Variants in CYRIB observed in about 807,000 individuals in gnomAD.
The protein encoded by CYRIB is CYFIP-related Rac1 interactor B.
A neutral mutation model predicts 44.2 loss-of-function variants in CYRIB; 8 were observed. That is an observed-to-expected ratio of 0.18 (90% CI 0.11 to 0.33). CYRIB has a LOEUF of 0.33. Ranked by LOEUF, CYRIB falls within the 10% of genes least tolerant of loss-of-function variation. The pLI, the probability that CYRIB is intolerant of heterozygous loss-of-function variation, is 1.00. For synonymous variants in CYRIB, 131 were observed against 127.2 expected, an observed-to-expected ratio of 1.03 and a Z score of -0.20; for missense variants, 185 against 382.8, an observed-to-expected ratio of 0.48 and a Z score of 4.31.
intron 4 of CYRIB, among the ~76,000 whole-genome samples, chr8:129,867,287 C>A (rs995815029): frequency 6.9e-5 from 9 of 131,126 alleles, no homozygotes; most frequent in African/African-American, 2.5e-4. Flanking sequence ...CCACACCTGG[C>A]TTTTTTTTTT....
At chr8:129,990,904 G>T (rs764136471) in intron 1 of CYRIB, among the ~76,000 whole-genome samples, 2 of 152,096 alleles carry the variant, frequency 1.3e-5, no homozygotes, top group Non-Finnish European at 2.9e-5. Context: ...GCCAAGGTGA[G>T]CGGATCACCT....
intron 1 of CYRIB, among the ~76,000 whole-genome samples, chr8:129,989,761 A>G (rs2096578113): frequency 6.7e-6 from 1 of 150,148 alleles, no homozygotes; most frequent in Non-Finnish European, 1.5e-5. Context: ...CGTCATTTAC[A>G]TTAGGTATAT....
intron 1 of CYRIB, among the ~76,000 whole-genome samples, chr8:129,986,736 A>G (rs903536939): frequency 6.6e-6 from 1 of 152,154 alleles, no homozygotes; most frequent in African/African-American, 2.4e-5. Context: ...CAGCCTCCAG[A>G]ACTGTAAGAA....
chr8:129,934,972 T>C (rs948171664), intron 1 of CYRIB, among the ~76,000 whole-genome samples: 2 of 152,212 alleles, frequency 1.3e-5, no homozygotes, highest in Non-Finnish European at 2.9e-5. Context: ...ATATAAGCTC[T>C]GGAAAACTTT....
chr8:129,997,064 G>A (rs1420460106), intron 1 of CYRIB, among the ~76,000 whole-genome samples: 2 of 140,404 alleles, frequency 1.4e-5, no homozygotes, highest in African/African-American at 2.7e-5. Context: ...GAGGGAGGGA[G>A]GGAGGGAGGG....
At chr8:129,956,182 G>A (rs1026097029) in intron 2 of CYRIB, among the ~76,000 whole-genome samples, 2 of 152,086 alleles carry the variant, frequency 1.3e-5, no homozygotes, top group East Asian at 1.9e-4. Flanking sequence ...GTAAAACATC[G>A]AGAATGCTGC....
At chr8:130,003,042 G>C (rs574281921) in intron 1 of CYRIB, among the ~76,000 whole-genome samples, 1 of 152,196 alleles carries the variant, frequency 6.6e-6, no homozygotes, top group Non-Finnish European at 1.5e-5. Context: ...TACTCCAGAG[G>C]ATTCTGAAGA....
At chr8:129,971,955 A>T (rs1368934431) in intron 1 of CYRIB, among the ~76,000 whole-genome samples, 2 of 152,040 alleles carry the variant, frequency 1.3e-5, no homozygotes, top group Non-Finnish European at 2.9e-5. Context: ...GTGTCTAGAC[A>T]CTCTTATTAT....
At chr8:129,892,467 A>T (rs1346123281) in intron 2 of CYRIB, among the ~76,000 whole-genome samples, 3 of 152,090 alleles carry the variant, frequency 2.0e-5, no homozygotes, top group Non-Finnish European at 2.9e-5. Context: ...AATTACCAAA[A>T]TTGTCAGAAT....
At position 130,012,508 on chromosome 8, in the gene CYRIB, G is replaced by A. The variant is rs934822079; in HGVS notation, c.-296+3862C>T. Among the ~76,000 whole-genome samples, 9 of 141,232 alleles carry A rather than the reference G, an allele frequency of 6.4e-5. No homozygotes were observed. In the Admixed American group the frequency reaches 6.6e-4, roughly 10 times the overall value. 92.7% of individuals were successfully genotyped at this position (141,232 alleles called of 152,430 possible). A position where few individuals can be genotyped will look rare whatever the true frequency, so the allele number is the denominator to read the frequency against. On this transcript the variant is annotated intron_variant, in intron 1 of 14. Coordinates refer to the CYRIB transcript ENST00000401979. Reference sequence around the variant, plus strand: ...ACAGAAAGAGCACCAGGGGCTGAGGGAAGAAACAGACATTGCTGAGCACCT... The same window carrying A: ...ACAGAAAGAGCACCAGGGGCTGAGGAAAGAAACAGACATTGCTGAGCACCT...
At chr8:129,887,057 C>T (rs1192066659) in intron 2 of CYRIB, among the ~76,000 whole-genome samples, 1 of 152,126 alleles carries the variant, frequency 6.6e-6, no homozygotes, top group Non-Finnish European at 1.5e-5. Context: ...AATTCAATGA[C>T]AAATCAAAGA....
rs536331090 is a variant in CYRIB, at chr8:129,939,289, G to A, written c.-50+319C>T. ...CGGGAAGGGACGAGCCAACGAGCCA[G>A]GAGTCACTGGCGGGCGCAGGATCTG... is the stretch of plus-strand genomic sequence containing the variant. On this transcript the variant is annotated intron_variant, in intron 1 of 11. Transcript: ENST00000519824. Among the ~76,000 whole-genome samples the A allele has an allele frequency of 4.3e-3, 647 of 151,588 alleles. 6 individuals carry two copies. Among genetic ancestry groups the A allele is most frequent in the African/African-American group, 0.015 (626 of 41,310 alleles).
intron 2 of CYRIB, among the ~76,000 whole-genome samples, chr8:129,962,237 C>T (rs1382128690): frequency 6.6e-6 from 1 of 151,214 alleles, no homozygotes; most frequent in Non-Finnish European, 1.5e-5. Context: ...GAGTGAAACC[C>T]TGTTTAAAAA....
chr8:129,947,629 T>C (rs1413875156), intron 2 of CYRIB, among the ~76,000 whole-genome samples: 1 of 152,178 alleles, frequency 6.6e-6, no homozygotes, highest in African/African-American at 2.4e-5. Flanking sequence ...GTAATACATA[T>C]TGATTGCAGC....
At chr8:129,933,889 A>C (rs1011107790) in intron 1 of CYRIB, among the ~76,000 whole-genome samples, 13 of 139,986 alleles carry the variant, frequency 9.3e-5, no homozygotes, top group Non-Finnish European at 1.4e-4. Context: ...CACACACACA[A>C]AAAAAAAAAG....
intron 2 of CYRIB, among the ~76,000 whole-genome samples, chr8:129,967,665 C>T (rs541408750): frequency 1.3e-5 from 2 of 152,292 alleles, no homozygotes; most frequent in East Asian, 1.9e-4. Flanking sequence ...AGGCGTGAGC[C>T]ACCGTGCCCG....
At chr8:129,967,547 T>C (rs1168983168) in intron 2 of CYRIB, among the ~76,000 whole-genome samples, 1 of 151,824 alleles carries the variant, frequency 6.6e-6, no homozygotes, top group Non-Finnish European at 1.5e-5. Flanking sequence ...GCCCGGCTAA[T>C]TTTTTGTATT....
chr8:129,975,416 C>T lies in CYRIB; in HGVS notation c.-295-4421G>A, dbSNP rs150949329. 4.0e-3 allele frequency among the ~76,000 whole-genome samples: 607 copies of T among 152,342 alleles called. 13 individuals carry two copies. Among genetic ancestry groups the T allele is most frequent in the Non-Finnish European group, 2.2e-3 (147 of 68,034 alleles). On this transcript the variant is annotated intron_variant, in intron 1 of 14. Coordinates refer to the CYRIB transcript ENST00000401979. ...CTCCTAAACTGTTTTATCCACAGTT[C>T]TGTACTCTGGACATATGTATGTATT...
intron 1 of CYRIB, among the ~76,000 whole-genome samples, chr8:129,989,708 A>G (rs1244112575): frequency 1.3e-5 from 2 of 150,014 alleles, no homozygotes; most frequent in Non-Finnish European, 3.0e-5. Context: ...GGTTTGTTAC[A>G]TATGTATACA....
Sources: gnomAD v4.1 joint callset for allele counts (sites outside exome capture counted in the v4.1 genomes callset) on GRCh38, gnomAD v4.1.1 for gene constraint, MANE v1.5 for transcripts, NCBI Gene and HGNC (gene_info 2026-07-23, HGNC 2026-07-21) for gene names.